EPHA6: variants seen among roughly 807,000 people sequenced by gnomAD.
EPHA6 encodes the protein ephrin type-A receptor 6.
In EPHA6, 50 loss-of-function variants were observed where a neutral mutation model predicts 112.0. The ratio of observed to expected loss-of-function variants is 0.45; its 90% CI spans 0.36 to 0.56. The LOEUF (loss-of-function observed/expected upper bound fraction) is 0.56, where lower values mean the gene tolerates loss of function less well. EPHA6 is among the 20% of genes least tolerant of loss of function. The pLI, the probability that EPHA6 is intolerant of heterozygous loss-of-function variation, is 0.00. For missense variants in EPHA6, 1,280 were observed against 1,417.4 expected, an observed-to-expected ratio of 0.90 and a Z score of 1.56; for synonymous variants, 529 against 490.7, an observed-to-expected ratio of 1.08 and a Z score of -1.03.
chr3:97,678,755 T>G (rs945157140), intron 14 of EPHA6, among the ~76,000 whole-genome samples: 3 of 152,212 alleles, frequency 2.0e-5, no homozygotes, highest in Non-Finnish European at 2.9e-5. Context: ...TATACAAAAA[T>G]TATGATTATT....
intron 3 of EPHA6, among the ~76,000 whole-genome samples, chr3:97,047,034 T>G (rs1006639770): frequency 9.2e-5 from 14 of 152,248 alleles, no homozygotes; most frequent in African/African-American, 3.4e-4. Flanking sequence ...GATAGTATAT[T>G]CTTTTAAATA....
intron 3 of EPHA6, among the ~76,000 whole-genome samples, chr3:97,125,510 G>C (rs1458728193): frequency 6.6e-6 from 1 of 152,098 alleles, no homozygotes; most frequent in Non-Finnish European, 1.5e-5. Flanking sequence ...GCAAGAATAA[G>C]TGCAGATATT....
intron 5 of EPHA6, among the ~76,000 whole-genome samples, chr3:97,320,917 T>C (rs528661200): frequency 1.3e-5 from 2 of 151,900 alleles, no homozygotes; most frequent in African/African-American, 4.8e-5. Flanking sequence ...TTTCAGTGCT[T>C]TGGAGTTATT....
intron 5 of EPHA6, among the ~76,000 whole-genome samples, chr3:97,374,450 C>T (rs950683196): frequency 3.9e-5 from 6 of 152,114 alleles, no homozygotes; most frequent in Non-Finnish European, 7.4e-5. Context: ...GTCATTCTCT[C>T]TTCATCTTGA....
chr3:96,844,810 T>TA (rs2034975113), intron 1 of EPHA6, among the ~76,000 whole-genome samples: 1 of 151,900 alleles, frequency 6.6e-6, no homozygotes, highest in Non-Finnish European at 1.5e-5. Context: ...AAGACAGATG[T>TA]CAAGAAGGGA....
At chr3:96,960,350 C>G (rs1191435113) in intron 2 of EPHA6, among the ~76,000 whole-genome samples, 1 of 152,054 alleles carries the variant, frequency 6.6e-6, no homozygotes, top group Non-Finnish European at 1.5e-5. Flanking sequence ...TTAGCCGGTT[C>G]CAGAGATCTC....
At chr3:97,571,129 A>G (rs1196156894) in intron 11 of EPHA6, among the ~76,000 whole-genome samples, 2 of 152,210 alleles carry the variant, frequency 1.3e-5, no homozygotes, top group African/African-American at 4.8e-5. Flanking sequence ...TTGCATATAA[A>G]CATATCACCT....
intron 2 of EPHA6, among the ~76,000 whole-genome samples, chr3:96,912,814 A>G (rs979745887): frequency 1.3e-5 from 2 of 151,958 alleles, no homozygotes; most frequent in Non-Finnish European, 2.9e-5. Flanking sequence ...CTGGTTTTCA[A>G]CTTCTGAACT....
At chr3:97,650,429 T>C (rs1016643284) in intron 14 of EPHA6, among the ~76,000 whole-genome samples, 5 of 152,078 alleles carry the variant, frequency 3.3e-5, no homozygotes, top group Non-Finnish European at 1.5e-5. Context: ...TCTATGAAGC[T>C]TAGGAAACAA....
intron 2 of EPHA6, among the ~76,000 whole-genome samples, chr3:96,924,566 A>G (rs982043084): frequency 1.3e-5 from 2 of 152,224 alleles, no homozygotes; most frequent in African/African-American, 4.8e-5. Flanking sequence ...GATTTTCTGG[A>G]TAAGGGATCA....
intron 3 of EPHA6, among the ~76,000 whole-genome samples, chr3:97,173,171 A>C (rs2076745509): frequency 6.6e-6 from 1 of 151,906 alleles, no homozygotes; most frequent in Non-Finnish European, 1.5e-5. Flanking sequence ...AACAGTAATA[A>C]ATGTAAATGT....
intron 3 of EPHA6, among the ~76,000 whole-genome samples, chr3:97,126,728 A>T (rs2048191326): frequency 6.6e-6 from 1 of 152,074 alleles, no homozygotes; most frequent in South Asian, 2.1e-4. Flanking sequence ...TAAAAAAAAA[A>T]AAGATTTGAA....
chr3:97,469,324 T>C (rs2091154808), intron 7 of EPHA6, among the ~76,000 whole-genome samples: 1 of 151,710 alleles, frequency 6.6e-6, no homozygotes, highest in Non-Finnish European at 1.5e-5. Context: ...CTCCCCAACC[T>C]ATCTTCTAAT....
At chr3:97,096,266 CAT>C (rs1352644073) in intron 3 of EPHA6, among the ~76,000 whole-genome samples, 5 of 144,230 alleles carry the variant, frequency 3.5e-5, no homozygotes, top group Non-Finnish European at 7.5e-5. Context: ...CATACACACA[CAT>C]ACACACCCAC....
intron 14 of EPHA6, among the ~76,000 whole-genome samples, chr3:97,655,013 G>A (rs1462747449): frequency 6.6e-5 from 10 of 150,832 alleles, no homozygotes; most frequent in Admixed American, 1.3e-4. Context: ...AGTTTATGCC[G>A]GTAAAGAAGA....
intron 2 of EPHA6, among the ~76,000 whole-genome samples, chr3:96,937,159 G>C (rs1167512452): frequency 2.0e-5 from 3 of 152,118 alleles, no homozygotes; most frequent in Non-Finnish European, 4.4e-5. Context: ...GGTATTTCTA[G>C]TTCTAGATCC....
Position 97,285,635 on chromosome 3 carries a change from C to T in EPHA6, c.1606+41348C>T, listed in dbSNP as rs534960384. ...TTATCCATCTATAGATAGACACTAA[C>T]ATTGATTCCATATATTTGCTATTGC... is the stretch of plus-strand genomic sequence containing the variant. On this transcript the variant is annotated intron_variant, in intron 5 of 17. Transcript: ENST00000389672. Among the ~76,000 whole-genome samples the T allele has an allele frequency of 2.0e-5, 3 of 151,568 alleles. No individual in the cohort carries two copies. In the South Asian group the frequency reaches 6.2e-4, roughly 31 times the overall value.
intron 5 of EPHA6, among the ~76,000 whole-genome samples, chr3:97,275,651 T>G (rs1384099741): frequency 2.0e-5 from 3 of 152,064 alleles, no homozygotes; most frequent in Non-Finnish European, 4.4e-5. Context: ...GTTTATAGGC[T>G]TTAAAAGGCC....
chr3:97,206,457 A>G (rs1017030017), intron 3 of EPHA6, among the ~76,000 whole-genome samples: 1 of 151,906 alleles, frequency 6.6e-6, no homozygotes, highest in African/African-American at 2.4e-5. Context: ...TTTTTGTTTT[A>G]TTTGAGTTCG....
Sources: allele counts gnomAD v4.1 joint callset (sites outside exome capture counted in the v4.1 genomes callset), GRCh38; gene constraint gnomAD v4.1.1; transcripts MANE v1.5; gene names NCBI Gene and HGNC (gene_info 2026-07-23, HGNC 2026-07-21).